The following CNTN5 variants were observed in gnomAD, a reference collection of about 807,000 sequenced individuals.
CNTN5 encodes contactin-5.
CNTN5 carries 77 observed loss-of-function variants against 129.1 expected under a neutral mutation model. That is an observed-to-expected ratio of 0.60 (90% CI 0.50 to 0.72). The LOEUF is 0.72. CNTN5 is among the 30% of genes least tolerant of loss of function. The pLI is 0.00. For synonymous variants in CNTN5, 509 were observed against 465.6 expected (o/e 1.09, Z -1.20); for missense variants, 1,478 against 1,328.8 (o/e 1.11, Z -1.75).
chr11:99,693,011 A>T (rs1261705080), intron 3 of CNTN5, among the ~76,000 whole-genome samples: 1 of 152,178 alleles, frequency 6.6e-6, no homozygotes, highest in Non-Finnish European at 1.5e-5. Flanking sequence ...AGCAATATTT[A>T]AATAGGTTAA....
At chr11:99,105,336 C>G (rs1866944752) in intron 1 of CNTN5, among the ~76,000 whole-genome samples, 1 of 152,082 alleles carries the variant, frequency 6.6e-6, no homozygotes, top group Non-Finnish European at 1.5e-5. Context: ...GTAATCAAGG[C>G]TTTATTTAAA....
intron 2 of CNTN5, among the ~76,000 whole-genome samples, chr11:99,330,263 G>C (rs1865947952): frequency 7.8e-6 from 1 of 127,752 alleles, no homozygotes; most frequent in African/African-American, 2.6e-5. Flanking sequence ...GAAGGAGAGA[G>C]ACAGAGTAAG....
chr11:99,850,643 T>A (rs1947844506), intron 6 of CNTN5, among the ~76,000 whole-genome samples: 2 of 152,080 alleles, frequency 1.3e-5, no homozygotes, highest in South Asian at 4.1e-4. Flanking sequence ...GTGTAAGATA[T>A]ATGCTCAAGA....
At chr11:99,945,240 G>T (rs1950527960) in intron 7 of CNTN5, among the ~76,000 whole-genome samples, 1 of 151,918 alleles carries the variant, frequency 6.6e-6, no homozygotes, top group Non-Finnish European at 1.5e-5. Context: ...ATATGAGATT[G>T]GAATACTGCA....
At chr11:99,729,160 T>G (rs1454737772) in intron 3 of CNTN5, among the ~76,000 whole-genome samples, 6 of 152,120 alleles carry the variant, frequency 3.9e-5, no homozygotes, top group Non-Finnish European at 1.5e-5. Flanking sequence ...GAGTTATAAA[T>G]AAGGTATAAC....
rs1054792159 is a variant in CNTN5, at chr11:100,358,663, C to T, written c.*2443C>T. 5 of 151,700 alleles carry T rather than the reference C, an allele frequency of 3.3e-5. No individual in the cohort carries two copies. Among genetic ancestry groups the T allele is most frequent in the African/African-American group, 1.2e-4 (5 of 41,370 alleles). 9.4% of individuals were successfully genotyped at this position (151,700 alleles called of 1,614,324 possible). ...TGTCCATTGAATATGAAGAAAGCAA[C>T]AGTCCTTATAATTAGAAATTTCATG... On this transcript the variant is annotated 3_prime_UTR_variant, in exon 25 of 25. Transcript: ENST00000524871.
rs116411978 is a variant in CNTN5, at chr11:99,577,615, G to T, written c.55+21346G>T. Among the ~76,000 whole-genome samples the T allele has an allele frequency of 5.9e-3, 900 of 151,944 alleles. 8 individuals carry two copies. Among genetic ancestry groups the T allele is most frequent in the African/African-American group, 0.02 (835 of 41,456 alleles). ...AGATGATTATTTTTCCATTGAGCCC[G>T]ATCATTAAAAATTTATTTCTAGAGT... On this transcript the variant is annotated intron_variant, in intron 3 of 24. Coordinates refer to ENST00000524871, the MANE Select transcript of CNTN5 (RefSeq NM_014361.4).
intron 9 of CNTN5, among the ~76,000 whole-genome samples, chr11:100,037,080 A>G (rs1317131469): frequency 2.0e-5 from 3 of 152,044 alleles, no homozygotes; most frequent in East Asian, 1.9e-4. Context: ...GTTTTTGCCC[A>G]TTCACTATGA....
At chr11:100,211,038 C>G (rs1949020371) in intron 15 of CNTN5, among the ~76,000 whole-genome samples, 1 of 152,116 alleles carries the variant, frequency 6.6e-6, no homozygotes, top group Non-Finnish European at 1.5e-5. Context: ...ATCCTAGTTG[C>G]ATAAAGCTCG....
At chr11:99,756,239 T>C (rs1490744195) in intron 3 of CNTN5, among the ~76,000 whole-genome samples, 1 of 152,086 alleles carries the variant, frequency 6.6e-6, no homozygotes, top group Non-Finnish European at 1.5e-5. Context: ...CTTGTAAAGA[T>C]AGCCTGGGAA....
chr11:100,003,087 GATTTAAGGAACGAACATAGTA>G (rs1263683971), intron 9 of CNTN5, among the ~76,000 whole-genome samples: 4 of 152,074 alleles, frequency 2.6e-5, no homozygotes, highest in Non-Finnish European at 4.4e-5. Flanking sequence ...AGCTAAGGTA[GATTTAAGGAACGAACATAGTA>G]AACACCGTGT....
intron 13 of CNTN5, among the ~76,000 whole-genome samples, chr11:100,155,851 T>G (rs921205026): frequency 2.0e-5 from 3 of 152,162 alleles, no homozygotes; most frequent in African/African-American, 7.2e-5. Context: ...TGCACATTGA[T>G]TTTGTATCCT....
intron 13 of CNTN5, among the ~76,000 whole-genome samples, chr11:100,077,250 CTTACA>C (rs1422888048): frequency 6.6e-6 from 1 of 152,144 alleles, no homozygotes; most frequent in African/African-American, 2.4e-5. Context: ...TAATTTATAA[CTTACA>C]TTGGGTGTGG....
chr11:99,127,608 C>T (rs1224596441), intron 1 of CNTN5, among the ~76,000 whole-genome samples: 8 of 152,210 alleles, frequency 5.3e-5, no homozygotes, highest in Admixed American at 1.3e-4. Flanking sequence ...GGTGTTCTAG[C>T]GCACTGCAAT....
At chr11:99,534,491 TCAA>T (rs1308537159) in intron 2 of CNTN5, among the ~76,000 whole-genome samples, 1 of 148,558 alleles carries the variant, frequency 6.7e-6, no homozygotes, top group Non-Finnish European at 1.5e-5. Flanking sequence ...CTTCTAAAAA[TCAA>T]CAAAAAATTT....
chr11:99,849,072 A>G (rs1591306573), intron 6 of CNTN5, among the ~76,000 whole-genome samples: 1 of 152,160 alleles, frequency 6.6e-6, no homozygotes, highest in East Asian at 1.9e-4. Flanking sequence ...GGCTCTCCTA[A>G]TTATATTCAT....
intron 2 of CNTN5, among the ~76,000 whole-genome samples, chr11:99,455,264 T>C (rs1176348241): frequency 3.9e-5 from 6 of 152,120 alleles, no homozygotes; most frequent in Admixed American, 3.3e-4. Context: ...TGAGTGACAG[T>C]TGGCAGAAAC....
At chr11:99,435,320 T>C (rs897886437) in intron 2 of CNTN5, among the ~76,000 whole-genome samples, 2 of 152,184 alleles carry the variant, frequency 1.3e-5, no homozygotes, top group Non-Finnish European at 2.9e-5. Flanking sequence ...AACAGTTTAT[T>C]TCTTGCTCAA....
intron 1 of CNTN5, among the ~76,000 whole-genome samples, chr11:99,258,312 G>A (rs920172116): frequency 6.6e-6 from 1 of 151,842 alleles, no homozygotes; most frequent in Non-Finnish European, 1.5e-5. Flanking sequence ...CCACCTTCAA[G>A]TGGGCCCCAG....
Sources: allele counts gnomAD v4.1 joint callset (sites outside exome capture counted in the v4.1 genomes callset), GRCh38; gene constraint gnomAD v4.1.1; transcripts MANE v1.5; gene names NCBI Gene and HGNC (gene_info 2026-07-23, HGNC 2026-07-21).